STK32B: variants seen among roughly 807,000 people sequenced by gnomAD.
The protein encoded by STK32B is serine/threonine-protein kinase 32B.
A neutral mutation model predicts 52.6 loss-of-function variants in STK32B; 43 were observed. The ratio of observed to expected loss-of-function variants is 0.82; its 90% confidence interval spans 0.64 to 1.05. STK32B has a LOEUF of 1.05. Among genes scored for constraint, STK32B ranks in the 50% least tolerant of loss-of-function variants. The pLI, the probability that STK32B is intolerant of heterozygous loss-of-function variation, is 0.00. For missense variants in STK32B, 621 were observed against 534.6 expected, an observed-to-expected ratio of 1.16 and a Z score of -1.59; for synonymous variants, 238 against 204.3, an observed-to-expected ratio of 1.17 and a Z score of -1.41.
chr4:5,492,991 T>C (rs1374375693), intron 11 of STK32B, among the ~76,000 whole-genome samples: 2 of 151,438 alleles, frequency 1.3e-5, no homozygotes, highest in Admixed American at 6.6e-5. Flanking sequence ...TATTATTTTA[T>C]TGAGGATTTT....
At chr4:5,356,688 C>T (rs1325970781) in intron 4 of STK32B, among the ~76,000 whole-genome samples, 1 of 152,142 alleles carries the variant, frequency 6.6e-6, no homozygotes, top group Non-Finnish European at 1.5e-5. Context: ...GGTCTCAGCA[C>T]ACGGTAGGTG....
At chr4:5,288,449 C>G (rs1201259100) in intron 3 of STK32B, among the ~76,000 whole-genome samples, 3 of 152,056 alleles carry the variant, frequency 2.0e-5, no homozygotes, top group African/African-American at 7.2e-5. Context: ...TAAATGATCC[C>G]TTATTGTGGT....
intron 3 of STK32B, among the ~76,000 whole-genome samples, chr4:5,294,211 T>A (rs1729055330): frequency 6.6e-6 from 1 of 152,180 alleles, no homozygotes; most frequent in Admixed American, 6.5e-5. Flanking sequence ...TAGTTTGAAG[T>A]CAGATAGCAT....
chr4:5,341,118 G>T (rs1733046628), intron 4 of STK32B, among the ~76,000 whole-genome samples: 1 of 152,170 alleles, frequency 6.6e-6, no homozygotes, highest in Non-Finnish European at 1.5e-5. Flanking sequence ...GTGAGTGCCT[G>T]CATATATTAA....
chr4:5,092,089 G>A (rs1441773377), intron 1 of STK32B, among the ~76,000 whole-genome samples: 2 of 152,260 alleles, frequency 1.3e-5, no homozygotes, highest in Non-Finnish European at 2.9e-5. Context: ...TCTTGCTGGA[G>A]TGAAACGTCC....
intron 3 of STK32B, among the ~76,000 whole-genome samples, chr4:5,249,477 T>TCATTCCTTCCTTCCTTCCTTCCTC (rs1725745779): frequency 7.7e-6 from 1 of 130,656 alleles, no homozygotes; most frequent in Non-Finnish European, 1.5e-5. Context: ...CTTCCTTCCT[T>TCATTCCTTCCTTCCTTCCTTCCTC]CCTTCCTTCC....
intron 1 of STK32B, among the ~76,000 whole-genome samples, chr4:5,136,369 C>T (rs550369335): frequency 8.1e-5 from 9 of 110,690 alleles, no homozygotes; most frequent in East Asian, 2.8e-4. Context: ...ACACTTTTAG[C>T]GGTGTAACCC....
rs1307535072 is a variant in STK32B, at chr4:5,302,346, A to ATAT, written c.261-28862_261-28860dup. 2.0e-5 allele frequency among the ~76,000 whole-genome samples: 3 copies of ATAT among 151,984 alleles called. No individual in the cohort carries two copies. In the East Asian group the frequency reaches 5.8e-4, roughly 29 times the overall value. On this transcript the variant is annotated intron_variant, in intron 3 of 11. Coordinates refer to ENST00000282908, the MANE Select transcript of STK32B (RefSeq NM_018401.3). ...TTTTAATTAAGTTTAACATATTAAC[A>ATAT]TATTATTATTATTAGTTCTTTTAAC... is the stretch of plus-strand genomic sequence containing the variant.
chr4:5,181,715 A>C lies in STK32B; in HGVS notation c.260+13265A>C, dbSNP rs551139489. Among the ~76,000 whole-genome samples, 3 of 152,372 alleles carry C rather than the reference A, an allele frequency of 2.0e-5. No homozygotes were observed. The South Asian group carries it at 6.2e-4, about 32-fold the overall frequency. On this transcript the variant is annotated intron_variant, in intron 3 of 11. Transcript: ENST00000282908. ...ATGTCTAAAAAACAAGGTACGTACCATAATTTAAAAATACTTTATTGCTAA... is the reference window on the plus strand; with the variant it reads ...ATGTCTAAAAAACAAGGTACGTACCCTAATTTAAAAATACTTTATTGCTAA...
intron 3 of STK32B, among the ~76,000 whole-genome samples, chr4:5,188,045 G>T (rs1023418867): frequency 6.6e-6 from 1 of 152,040 alleles, no homozygotes; most frequent in Non-Finnish European, 1.5e-5. Context: ...TTCATGCTTT[G>T]TGAGCTTCAA....
At chr4:5,090,062 GT>G (rs879144602) in intron 1 of STK32B, among the ~76,000 whole-genome samples, 2 of 151,970 alleles carry the variant, frequency 1.3e-5, no homozygotes, top group African/African-American at 2.4e-5. Context: ...TGATGGGGTT[GT>G]TTTTTCTTGT....
Position 5,075,112 on chromosome 4 carries a change from G to C in STK32B, c.52+23197G>C, listed in dbSNP as rs186426946. Among the ~76,000 whole-genome samples the C allele has an allele frequency of 7.0e-4, 107 of 152,204 alleles. 1 individual carries two copies. The highest frequency in any genetic ancestry group is 8.8e-5 in the Non-Finnish European group (6 of 67,990). On this transcript the variant is annotated intron_variant, in intron 1 of 11. Transcript: ENST00000282908. ...GCTTGTATGCACATTTTGGGGCACT[G>C]AAATTAATTTTTGTGTATTGTTATT...
At chr4:5,226,063 G>T (rs902360205) in intron 3 of STK32B, among the ~76,000 whole-genome samples, 1 of 152,156 alleles carries the variant, frequency 6.6e-6, no homozygotes, top group African/African-American at 2.4e-5. Context: ...GTTACAAAAT[G>T]TTCTGCTTTT....
At chr4:5,184,892 G>A (rs1720628585) in intron 3 of STK32B, among the ~76,000 whole-genome samples, 1 of 151,922 alleles carries the variant, frequency 6.6e-6, no homozygotes, top group Non-Finnish European at 1.5e-5. Flanking sequence ...AAATATGCAG[G>A]ATCTGCTAAG....
chr4:5,281,318 A>G (rs1728184081), intron 3 of STK32B, among the ~76,000 whole-genome samples: 2 of 152,184 alleles, frequency 1.3e-5, no homozygotes, highest in Admixed American at 6.5e-5. Context: ...CATGATGTCC[A>G]TTCTCAGCAA....
chr4:5,036,816 C>CA, the STK32B span, among the ~76,000 whole-genome samples: 1 of 151,704 alleles, frequency 6.6e-6, no homozygotes, highest in African/African-American at 2.4e-5. Flanking sequence ...TACAGGCGCC[C>CA]ACCACCACAC....
chr4:5,077,724 G>A (rs1190831536), intron 1 of STK32B, among the ~76,000 whole-genome samples: 1 of 152,088 alleles, frequency 6.6e-6, no homozygotes, highest in Non-Finnish European at 1.5e-5. Flanking sequence ...GAGGCTGCGG[G>A]GGAAGGCAGG....
intron 5 of STK32B, among the ~76,000 whole-genome samples, chr4:5,403,477 C>T (rs1737451419): frequency 6.6e-6 from 1 of 152,196 alleles, no homozygotes; most frequent in Non-Finnish European, 1.5e-5. Context: ...TCTCCCCTGC[C>T]CATGACATAG....
intron 4 of STK32B, among the ~76,000 whole-genome samples, chr4:5,392,161 A>G (rs1736628781): frequency 6.6e-6 from 1 of 152,250 alleles, no homozygotes; most frequent in Non-Finnish European, 1.5e-5. Context: ...CAGAACAAGC[A>G]TGATGGCTCA....
Sources: gnomAD v4.1 joint callset for allele counts (sites outside exome capture counted in the v4.1 genomes callset) on GRCh38, gnomAD v4.1.1 for gene constraint, MANE v1.5 for transcripts, NCBI Gene and HGNC (gene_info 2026-07-23, HGNC 2026-07-21) for gene names.